The following ZNF613 variants were observed in gnomAD, a reference collection of about 807,000 sequenced individuals.
ZNF613 encodes zinc finger protein 613.
Under a neutral mutation model 14.3 loss-of-function variants are expected in ZNF613, and 8 were observed. The ratio of observed to expected loss-of-function variants is 0.56; its 90% CI spans 0.33 to 1.01. The LOEUF (loss-of-function observed/expected upper bound fraction) is 1.01, where lower values mean the gene tolerates loss of function less well. Ranked by LOEUF, ZNF613 falls within the 50% of genes least tolerant of loss-of-function variation. The pLI is 0.03. For missense variants in ZNF613, 656 were observed against 741.9 expected (o/e 0.88, Z 1.35); for synonymous variants, 228 against 254.5 (o/e 0.90, Z 0.99).
chr19:51,930,150 A>G (rs1460138620), intron 2 of ZNF613, among the ~76,000 whole-genome samples: 3 of 152,078 alleles, frequency 2.0e-5, no homozygotes, highest in Admixed American at 2.0e-4. Flanking sequence ...TTCTGTCTCT[A>G]TAGATTTGCT....
intron 3 of ZNF613, among the ~76,000 whole-genome samples, chr19:51,938,750 A>ATATATATATG (rs1568465455): frequency 7.2e-6 from 1 of 138,470 alleles, no homozygotes; most frequent in Non-Finnish European, 1.5e-5. Flanking sequence ...ATATATATAT[A>ATATATATATG]TGTGCAATAT....
chr19:51,940,224 G>A lies in ZNF613; in HGVS notation c.31G>A (p.Glu11Lys). The change falls in exon 4 of 6, where the codon GAG (glutamate) becomes AAG (lysine). Residue 11 changes from glutamate to lysine, a missense_variant. Coordinates refer to ENST00000293471, the MANE Select transcript of ZNF613 (RefSeq NM_001031721.4). ...CTTATTACAGGAATCACTGACCCTG[G>A]AGGATGTGGCTGTGGAGTTCACTTG... MIKSQESLTL[E>K]DVAVEFTWEE... is the part of the protein sequence containing the mutation. The A allele has an allele frequency of 1.2e-6, 2 of 1,613,664 alleles. No homozygotes were observed. Among genetic ancestry groups the A allele is most frequent in the Non-Finnish European group, 1.7e-6 (2 of 1,179,730 alleles).
intron 3 of ZNF613, among the ~76,000 whole-genome samples, chr19:51,936,751 C>G (rs1467609301): frequency 2.0e-5 from 3 of 152,176 alleles, no homozygotes. Context: ...TCCCAAAGTT[C>G]TGGGACTACA....
rs557250619 is a variant in ZNF613 at position 51,937,725 on chromosome 19, CTTT to C, written c.15+1510_15+1512del. Among the ~76,000 whole-genome samples, 106 of 105,228 alleles carry C rather than the reference CTTT, an allele frequency of 1.0e-3. 1 individual carries two copies. The highest frequency in any genetic ancestry group is 5.6e-3 in the Middle Eastern group (1 of 178). The allele number at this position is 105,228 out of a possible 152,430, so 69.0% of individuals were successfully genotyped here. A position where few individuals can be genotyped will look rare whatever the true frequency, so the allele number is the denominator to read the frequency against. Reference sequence around the variant, plus strand: ...TGGTGTGACAGATGATGTCTTTTTTCTTTTTTTTTTTTTTTTTTTTTTGAGATA... The same window carrying C: ...TGGTGTGACAGATGATGTCTTTTTTCTTTTTTTTTTTTTTTTTTTGAGATA... On this transcript the variant is annotated intron_variant, in intron 3 of 5. Transcript: ENST00000293471.
At chr19:51,933,617 T>C (rs1376270770) in intron 2 of ZNF613, among the ~76,000 whole-genome samples, 1 of 151,730 alleles carries the variant, frequency 6.6e-6, no homozygotes, top group African/African-American at 2.4e-5. Context: ...CTAAACAAAA[T>C]TATTTGTGAA....
chr19:51,940,159 C>T (rs1256227077), intron 3 of ZNF613, 50 bp from the exon 4 acceptor site: 28 of 1,600,518 alleles, frequency 1.7e-5, no homozygotes, highest in Non-Finnish European at 2.3e-5. Flanking sequence ...ACATTTCTTC[C>T]ATATAAATGA....
rs755466246 is a variant in ZNF613, at chr19:51,945,087, T to C, written c.1204T>C (p.Cys402Arg). 3 of 1,614,142 alleles carry C rather than the reference T, an allele frequency of 1.9e-6. No homozygotes were observed. The highest frequency in any genetic ancestry group is 2.5e-6 in the Non-Finnish European group (3 of 1,180,022). The change falls in exon 6 of 6, where the codon TGC becomes CGC. Residue 402 changes from cysteine to arginine, a missense_variant. Cys to Arg is a radical substitution (Grantham distance 180). Transcript: ENST00000293471. Reference sequence around the variant, plus strand: ...TCATACTGGAGAAAAACCCTATATATGCAATGAATGTGGAAAAGGCTTCAT... The same window carrying C: ...TCATACTGGAGAAAAACCCTATATACGCAATGAATGTGGAAAAGGCTTCAT... ...RIHTGEKPYI[C>R]NECGKGFIQK...
Position 51,945,681 on chromosome 19 carries a change from AG to A in ZNF613, c.1799del (p.Ser600ThrfsTer47). On this transcript the variant is annotated frameshift_variant, in exon 6 of 6. Transcript: ENST00000293471. LOFTEE classifies it low-confidence loss of function (END_TRUNC). ...AGCAGAGAGCAAAGTAGCCATTGTG[AG>A]CCAGCCTGTTGCCAGAAGTTCAGTC... ...FQAESKVAIV[S>X]QPVARSSVSA... The A allele has an allele frequency of 1.2e-6, 2 of 1,614,182 alleles. No individual in the cohort carries two copies. Among genetic ancestry groups the A allele is most frequent in the South Asian group, 2.2e-5 (2 of 91,084 alleles).
chr19:51,929,990 A>G (rs1382029301), intron 2 of ZNF613, 94 bp downstream of exon 2: 1 of 152,196 alleles, frequency 6.6e-6, no homozygotes, highest in African/African-American at 2.4e-5. Context: ...TTACAGGTCT[A>G]TTAGTCCCAT....
At chr19:51,942,397 C>T (rs2085356492) in intron 5 of ZNF613, among the ~76,000 whole-genome samples, 1 of 152,138 alleles carries the variant, frequency 6.6e-6, no homozygotes, top group African/African-American at 2.4e-5. Flanking sequence ...AGACCAATAA[C>T]AAAGTATAAT....
chr19:51,931,899 GA>G (rs1169241368), intron 2 of ZNF613, among the ~76,000 whole-genome samples: 2 of 152,126 alleles, frequency 1.3e-5, no homozygotes, highest in Admixed American at 1.3e-4. Context: ...GCAAACGAGG[GA>G]ATAAAAGACA....
intron 3 of ZNF613, among the ~76,000 whole-genome samples, chr19:51,939,381 T>C (rs2085329941): frequency 6.6e-6 from 1 of 152,094 alleles, no homozygotes; most frequent in Non-Finnish European, 1.5e-5. Context: ...CAGGCTGGAG[T>C]ACAGTAGCAT....
intron 2 of ZNF613, among the ~76,000 whole-genome samples, chr19:51,930,131 T>C (rs923574259): frequency 6.6e-6 from 1 of 152,202 alleles, no homozygotes; most frequent in Non-Finnish European, 1.5e-5. Flanking sequence ...AAGTAATCTC[T>C]AATCTACTTT....
rs1247553536 is a variant in ZNF613 at position 51,944,759 on chromosome 19, T to C, written c.876T>C (p.Asp292=). 1.2e-6 allele frequency: 2 copies of C among 1,611,314 alleles called. No individual in the cohort carries two copies. The highest frequency in any genetic ancestry group is 1.4e-5 in the African/African-American group (1 of 73,882). ...GAGAGAAGTCATATATATGCAGTGA[T>C]TGTGGAAAAGGCTTCATCAAGAAGT... ...HTGEKSYICS[D]CGKGFIKKSR... Residue 292 remains aspartate (D), a synonymous_variant, in exon 6 of 6, where the codon GAT becomes GAC. Coordinates refer to ENST00000293471, the MANE Select transcript of ZNF613 (RefSeq NM_001031721.4).
At chr19:51,928,318 G>C (rs915860527) in intron 1 of ZNF613, among the ~76,000 whole-genome samples, 7 of 152,204 alleles carry the variant, frequency 4.6e-5, no homozygotes, top group Admixed American at 3.3e-4. Context: ...TTAATCTAAG[G>C]GGGTGTGACC....
At chr19:51,938,482 TTGCATGACTTTCTAAGGTTCTC>T (rs2085321423) in intron 3 of ZNF613, among the ~76,000 whole-genome samples, 1 of 151,968 alleles carries the variant, frequency 6.6e-6, no homozygotes, top group African/African-American at 2.4e-5. Flanking sequence ...CAGGCTGGGA[TTGCATGACTTTCTAAGGTTCTC>T]TGTATGAACA....
chr19:51,945,432 T>C lies in ZNF613; in HGVS notation c.1549T>C (p.Cys517Arg), dbSNP rs2085391921. 1 of 1,614,170 alleles carries C rather than the reference T, an allele frequency of 6.2e-7. No homozygotes were observed. Among genetic ancestry groups the C allele is most frequent in the Non-Finnish European group, 8.5e-7 (1 of 1,180,006 alleles). The change falls in exon 6 of 6, where the codon TGT becomes CGT. Residue 517 changes from cysteine (C) to arginine (R), a missense_variant. Coordinates refer to ENST00000293471, the MANE Select transcript of ZNF613 (RefSeq NM_001031721.4). ...TGERPYGCSD[C>R]GKAFSHLSCL... Reference sequence around the variant, plus strand: ...GGAGAGACCGTATGGATGCTCTGATTGTGGGAAAGCTTTCTCCCACTTGTC... The same window carrying C: ...GGAGAGACCGTATGGATGCTCTGATCGTGGGAAAGCTTTCTCCCACTTGTC...
chr19:51,938,670 T>C (rs1258373302), intron 3 of ZNF613, among the ~76,000 whole-genome samples: 8 of 150,990 alleles, frequency 5.3e-5, no homozygotes, highest in Non-Finnish European at 1.5e-5. Flanking sequence ...CAAAGCCAGT[T>C]CTTACACCCT....
chr19:51,935,087 G>A (rs1225808030), intron 2 of ZNF613, among the ~76,000 whole-genome samples: 1 of 152,126 alleles, frequency 6.6e-6, no homozygotes, highest in Non-Finnish European at 1.5e-5. Context: ...CAGGTGGAAG[G>A]AAAGCTTAGG....
Sources: allele counts gnomAD v4.1 joint callset (sites outside exome capture counted in the v4.1 genomes callset), GRCh38; gene constraint gnomAD v4.1.1; transcripts MANE v1.5; gene names NCBI Gene and HGNC (gene_info 2026-07-23, HGNC 2026-07-21).